IL1RAPL2: variants seen among roughly 807,000 people sequenced by gnomAD.
The protein encoded by IL1RAPL2 is interleukin 1 receptor accessory protein like 2, also known as X-linked interleukin-1 receptor accessory protein-like 2.
A neutral mutation model predicts 44.1 loss-of-function variants in IL1RAPL2; 3 were observed. That is an observed-to-expected ratio of 0.07 (90% CI 0.03 to 0.18). The LOEUF is 0.18. Ranked by LOEUF, IL1RAPL2 falls within the 10% of genes least tolerant of loss-of-function variation. The pLI, the probability that IL1RAPL2 is intolerant of heterozygous loss-of-function variation, is 1.00. For synonymous variants in IL1RAPL2, 181 were observed against 178.8 expected, an observed-to-expected ratio of 1.01 and a Z score of -0.10; for missense variants, 391 against 496.4, an observed-to-expected ratio of 0.79 and a Z score of 2.02.
chrX:105,219,724 G>C (rs782157629), intron 3 of IL1RAPL2: 5 of 1,207,013 alleles, frequency 4.1e-6, no homozygotes, highest in Non-Finnish European at 4.5e-6. Context: ...TGGCCACCCT[G>C]CCCCCTGCTC....
chrX:104,989,040 G>T (rs2030612556), intron 2 of IL1RAPL2, among the ~76,000 whole-genome samples: 1 of 111,762 alleles, frequency 8.9e-6, no homozygotes, highest in South Asian at 3.7e-4. Context: ...GGTGGACAAA[G>T]TGTGTGTATA....
intron 2 of IL1RAPL2, among the ~76,000 whole-genome samples, chrX:104,791,198 G>GCCCTT (rs1227714202): frequency 2.2e-5 from 2 of 89,680 alleles, no homozygotes; most frequent in African/African-American, 4.4e-5. Context: ...TCCCTTCCCT[G>GCCCTT]CCCTTCCCTT....
chrX:104,826,353 C>T (rs1921450024), intron 2 of IL1RAPL2, among the ~76,000 whole-genome samples: 1 of 111,409 alleles, frequency 9.0e-6, no homozygotes. Flanking sequence ...TTTATTTCTG[C>T]CTTTATTTCA....
intron 6 of IL1RAPL2, among the ~76,000 whole-genome samples, chrX:105,623,233 T>C (rs1442286222): frequency 3.6e-5 from 4 of 110,045 alleles, no homozygotes; most frequent in African/African-American, 1.3e-4. Context: ...CAAGGTCACA[T>C]AACTAATTGG....
chrX:105,603,614 A>T (rs968654241), intron 6 of IL1RAPL2, among the ~76,000 whole-genome samples: 1 of 111,640 alleles, frequency 9.0e-6, no homozygotes, highest in East Asian at 2.8e-4. Flanking sequence ...CATTCTGAGC[A>T]TTGGACAGAT....
At chrX:105,612,860 C>T (rs757820252) in intron 6 of IL1RAPL2, among the ~76,000 whole-genome samples, 2 of 111,877 alleles carry the variant, frequency 1.8e-5, no homozygotes, top group Admixed American at 9.4e-5. Context: ...TGGCAAGCCT[C>T]GCCACCATGG....
At chrX:105,075,936 C>A (rs1204857889) in intron 2 of IL1RAPL2, among the ~76,000 whole-genome samples, 3 of 111,380 alleles carry the variant, frequency 2.7e-5, no homozygotes, top group Non-Finnish European at 5.7e-5. Context: ...TCTCTCTTTT[C>A]TTCTTTACTA....
chrX:105,146,876 G>A (rs1223100884), intron 2 of IL1RAPL2, among the ~76,000 whole-genome samples: 2 of 111,891 alleles, frequency 1.8e-5, no homozygotes, highest in African/African-American at 6.5e-5. Context: ...TTGGTTTGGC[G>A]TAAAAAGGCA....
intron 1 of IL1RAPL2, among the ~76,000 whole-genome samples, chrX:104,640,088 T>C (rs775010209): frequency 8.9e-6 from 1 of 111,743 alleles, no homozygotes; most frequent in Non-Finnish European, 1.9e-5. Flanking sequence ...ATCTTTCTTT[T>C]TTTTCACCTT....
intron 7 of IL1RAPL2, among the ~76,000 whole-genome samples, chrX:105,740,111 A>G (rs1038613087): frequency 7.3e-5 from 8 of 109,886 alleles, no homozygotes; most frequent in African/African-American, 2.7e-4. Flanking sequence ...GATGATGGGC[A>G]GTTTTTCATG....
chrX:105,310,940 T>C (rs1453955217), intron 5 of IL1RAPL2, among the ~76,000 whole-genome samples: 1 of 111,793 alleles, frequency 8.9e-6, no homozygotes, highest in Non-Finnish European at 1.9e-5. Flanking sequence ...ACTTTTATTA[T>C]GGCTTAGTGT....
intron 6 of IL1RAPL2, among the ~76,000 whole-genome samples, chrX:105,552,364 C>T (rs1441982006): frequency 8.9e-6 from 1 of 112,212 alleles, no homozygotes; most frequent in Non-Finnish European, 1.9e-5. Context: ...TTCTTGGTAA[C>T]TAACCACACT....
intron 6 of IL1RAPL2, among the ~76,000 whole-genome samples, chrX:105,640,135 A>G (rs1206481330): frequency 9.0e-6 from 1 of 111,234 alleles, no homozygotes; most frequent in Non-Finnish European, 1.9e-5. Flanking sequence ...TTTGAAATAT[A>G]TAGGAGGGAA....
intron 2 of IL1RAPL2, among the ~76,000 whole-genome samples, chrX:104,979,335 A>T (rs1165864171): frequency 1.8e-5 from 2 of 111,817 alleles, no homozygotes; most frequent in Non-Finnish European, 3.8e-5. Context: ...AAACTCTAAA[A>T]GTATTAGAAG....
chrX:105,364,953 A>G (rs1253972777), intron 5 of IL1RAPL2, among the ~76,000 whole-genome samples: 1 of 111,887 alleles, frequency 8.9e-6, no homozygotes, highest in Non-Finnish European at 1.9e-5. Context: ...TATAAAAGGC[A>G]AGAGTGTACA....
intron 2 of IL1RAPL2, among the ~76,000 whole-genome samples, chrX:105,093,429 G>T (rs930433415): frequency 9.0e-6 from 1 of 111,413 alleles, no homozygotes; most frequent in Non-Finnish European, 1.9e-5. Flanking sequence ...TCCAATCACA[G>T]TATAGCCAGC....
At chrX:104,997,455 C>A (rs2030769048) in intron 2 of IL1RAPL2, among the ~76,000 whole-genome samples, 1 of 111,354 alleles carries the variant, frequency 9.0e-6, no homozygotes, top group Non-Finnish European at 1.9e-5. Context: ...GACAACACTG[C>A]CACAGAAGGT....
chrX:104,956,461 A>AGTGTGTGTTTGTGT (rs1556020854), intron 2 of IL1RAPL2, among the ~76,000 whole-genome samples: 2 of 84,090 alleles, frequency 2.4e-5, no homozygotes, highest in East Asian at 8.0e-4. Context: ...GTCTCTACTA[A>AGTGTGTGTTTGTGT]GTGTGTGTGT....
At chrX:105,391,794 A>C (rs2035525220) in intron 5 of IL1RAPL2, among the ~76,000 whole-genome samples, 1 of 72,010 alleles carries the variant, frequency 1.4e-5, no homozygotes, top group Non-Finnish European at 2.6e-5. Context: ...GCACATATAC[A>C]CCATGGAATA....
Sources: allele counts gnomAD v4.1 joint callset (sites outside exome capture counted in the v4.1 genomes callset), GRCh38; gene constraint gnomAD v4.1.1; transcripts MANE v1.5; gene names NCBI Gene and HGNC (gene_info 2026-07-23, HGNC 2026-07-21).